The following DPP10 variants were observed in gnomAD, a reference collection of about 807,000 sequenced individuals.
The protein encoded by DPP10 is inactive dipeptidyl peptidase 10.
A neutral mutation model predicts 120.9 loss-of-function variants in DPP10; 33 were observed. That is an observed-to-expected ratio of 0.27 (90% CI 0.21 to 0.37). The LOEUF is 0.37. Ranked by LOEUF, DPP10 falls within the 10% of genes least tolerant of loss-of-function variation. The pLI is 1.00. For missense variants in DPP10, 816 were observed against 942.8 expected (o/e 0.87, Z 1.76); for synonymous variants, 337 against 326.1 (o/e 1.03, Z -0.36).
intron 1 of DPP10, among the ~76,000 whole-genome samples, chr2:115,122,237 C>T (rs930665117): frequency 6.6e-6 from 1 of 152,136 alleles, no homozygotes; most frequent in Non-Finnish European, 1.5e-5. Flanking sequence ...AGATACAACA[C>T]ATGAGAGAAG....
At chr2:115,674,754 AGGAACCTTACAAATAGAGGTCAGAG>A (rs1305789331) in intron 5 of DPP10, among the ~76,000 whole-genome samples, 3 of 152,230 alleles carry the variant, frequency 2.0e-5, no homozygotes, top group African/African-American at 7.2e-5. Context: ...TCATGCTATG[AGGAACCTTACAAATAGAGGTCAGAG>A]GGATTTTTAT....
At chr2:115,722,666 C>G (rs10182567) in intron 7 of DPP10, among the ~76,000 whole-genome samples, 2 of 151,990 alleles carry the variant, frequency 1.3e-5, no homozygotes, top group African/African-American at 4.8e-5. Context: ...AGAAAAGACA[C>G]AGAAAAAATA....
chr2:114,677,205 G>T (rs1025167858), intron 1 of DPP10, among the ~76,000 whole-genome samples: 1 of 152,082 alleles, frequency 6.6e-6, no homozygotes, highest in African/African-American at 2.4e-5. Context: ...AGGCCATGTA[G>T]TGCAAATTGA....
Position 115,803,650 on chromosome 2 carries a change from T to G in DPP10, c.1701-11143T>G, listed in dbSNP as rs1323077517. The stretch of plus-strand genomic sequence containing the variant: ...TGGTGGTGACAAAATCTCTCAGCAT[T>G]TGCTTGTCTGTAAAGTGTTTTTTTC... On this transcript the variant is annotated intron_variant, in intron 19 of 25. Coordinates refer to ENST00000410059, the MANE Select transcript of DPP10 (RefSeq NM_020868.6). Among the ~76,000 whole-genome samples the G allele has an allele frequency of 4.6e-5, 7 of 152,290 alleles. No homozygotes were observed. The South Asian group carries it at 1.2e-3, about 27-fold the overall frequency.
At chr2:115,568,349 G>A (rs2081136181) in intron 5 of DPP10, among the ~76,000 whole-genome samples, 1 of 151,880 alleles carries the variant, frequency 6.6e-6, no homozygotes, top group African/African-American at 2.4e-5. Flanking sequence ...CAGGGGTTTT[G>A]GTGTGCACCT....
intron 1 of DPP10, among the ~76,000 whole-genome samples, chr2:114,637,215 A>T (rs1695366272): frequency 6.6e-6 from 1 of 151,954 alleles, no homozygotes; most frequent in Non-Finnish European, 1.5e-5. Flanking sequence ...AGTATAATAT[A>T]AATAATTATA....
chr2:115,171,129 G>C (rs1045996834), intron 1 of DPP10, among the ~76,000 whole-genome samples: 2 of 152,272 alleles, frequency 1.3e-5, no homozygotes. Flanking sequence ...GGAAGGCCGA[G>C]GCAGGTGGAT....
chr2:115,061,799 G>T (rs577314965), intron 1 of DPP10, among the ~76,000 whole-genome samples: 2 of 152,228 alleles, frequency 1.3e-5, no homozygotes, highest in East Asian at 3.9e-4. Context: ...AGTGCCAAGG[G>T]TCTGAGGTGA....
intron 1 of DPP10, among the ~76,000 whole-genome samples, chr2:115,176,313 T>C (rs2053687857): frequency 6.8e-6 from 1 of 147,842 alleles, no homozygotes; most frequent in Non-Finnish European, 1.5e-5. Context: ...TATATATTTG[T>C]TATATATAAA....
chr2:115,211,214 T>A (rs2056488151), intron 1 of DPP10, among the ~76,000 whole-genome samples: 1 of 149,168 alleles, frequency 6.7e-6, no homozygotes, highest in African/African-American at 2.4e-5. Flanking sequence ...GTTGCTTACT[T>A]AGTTTCTTTT....
intron 1 of DPP10, among the ~76,000 whole-genome samples, chr2:114,971,709 T>A (rs548206086): frequency 6.4e-5 from 9 of 141,156 alleles, no homozygotes; most frequent in African/African-American, 2.3e-4. Context: ...GCAAGGGATA[T>A]TAAACCAAAA....
Position 114,599,437 on chromosome 2 carries a change from A to T in DPP10, c.60+156599A>T, listed in dbSNP as rs1384507052. 2.0e-5 allele frequency among the ~76,000 whole-genome samples: 3 copies of T among 151,790 alleles called. No homozygotes were observed. In the Admixed American group the frequency reaches 2.0e-4, roughly 10 times the overall value. ...AACTACTGTTTATTTCTATAACCAT[A>T]GATTAGTTTTTTCTACTCTAGGTTT... On this transcript the variant is annotated intron_variant, in intron 1 of 25. Coordinates refer to ENST00000410059, the MANE Select transcript of DPP10 (RefSeq NM_020868.6).
intron 5 of DPP10, among the ~76,000 whole-genome samples, chr2:115,573,731 C>G (rs2081488355): frequency 7.5e-6 from 1 of 133,284 alleles, no homozygotes; most frequent in Admixed American, 8.0e-5. Context: ...GATCTTTGTA[C>G]TTTTAGTAGA....
At chr2:114,630,778 TAG>T (rs1553473213) in intron 1 of DPP10, among the ~76,000 whole-genome samples, 1 of 151,474 alleles carries the variant, frequency 6.6e-6, no homozygotes, top group Non-Finnish European at 1.5e-5. Flanking sequence ...AAAAGAGTTT[TAG>T]AAAAGATTTG....
At chr2:115,836,331 C>G in intron 22 of DPP10, 75 bp downstream of exon 22, 1 of 1,405,430 alleles carries the variant, frequency 7.1e-7, no homozygotes, top group East Asian at 2.3e-5. Context: ...TAGAATAGCT[C>G]AATTGAGCTC....
intron 3 of DPP10, among the ~76,000 whole-genome samples, chr2:115,353,855 G>A (rs536850267): frequency 4.6e-5 from 7 of 152,080 alleles, no homozygotes; most frequent in Non-Finnish European, 8.8e-5. Context: ...TAGAGAAAAC[G>A]TTTCAAGTGA....
At chr2:114,491,870 C>A (rs1259609493) in intron 1 of DPP10, among the ~76,000 whole-genome samples, 5 of 152,142 alleles carry the variant, frequency 3.3e-5, no homozygotes, top group Non-Finnish European at 5.9e-5. Context: ...AACTGATAAG[C>A]ATGGTGGTGT....
chr2:115,122,212 A>G (rs2049860393), intron 1 of DPP10, among the ~76,000 whole-genome samples: 1 of 151,920 alleles, frequency 6.6e-6, no homozygotes, highest in Non-Finnish European at 1.5e-5. Flanking sequence ...TGAAGGTACA[A>G]TTAACCATTT....
chr2:114,775,919 T>C (rs1446777871), intron 1 of DPP10, among the ~76,000 whole-genome samples: 1 of 152,092 alleles, frequency 6.6e-6, no homozygotes, highest in Non-Finnish European at 1.5e-5. Flanking sequence ...GAGAGAGACA[T>C]CTAAACAAAT....
Sources: allele counts gnomAD v4.1 joint callset (sites outside exome capture counted in the v4.1 genomes callset), GRCh38; gene constraint gnomAD v4.1.1; transcripts MANE v1.5; gene names NCBI Gene and HGNC (gene_info 2026-07-23, HGNC 2026-07-21).